The following TMEM164 variants were observed in gnomAD, a reference collection of about 807,000 sequenced individuals.
TMEM164 encodes RP13-360B22.2.
TMEM164 carries 4 observed loss-of-function variants against 18.8 expected under a neutral mutation model. The observed-to-expected ratio is 0.21, with a 90% CI of 0.10 to 0.49. The LOEUF (loss-of-function observed/expected upper bound fraction) is 0.49. TMEM164 is among the 20% of genes least tolerant of loss of function. TMEM164 has a pLI of 0.98. For synonymous variants in TMEM164, 86 were observed against 101.7 expected, an observed-to-expected ratio of 0.85 and a Z score of 0.93; for missense variants, 108 against 239.9, an observed-to-expected ratio of 0.45 and a Z score of 3.63.
chrX:110,150,398 C>T (rs2066923022), intron 5 of TMEM164, among the ~76,000 whole-genome samples: 1 of 112,065 alleles, frequency 8.9e-6, no homozygotes. Context: ...GGGGTTTGGC[C>T]TTGATTGCCA....
At chrX:110,163,198 A>G (rs1318522761) in intron 5 of TMEM164, among the ~76,000 whole-genome samples, 1 of 112,058 alleles carries the variant, frequency 8.9e-6, no homozygotes, top group East Asian at 2.8e-4. Flanking sequence ...AGTGAGTTTA[A>G]GAGAGAACAG....
intron 4 of TMEM164, among the ~76,000 whole-genome samples, chrX:110,119,155 G>A: frequency 9.0e-6 from 1 of 111,634 alleles, no homozygotes; most frequent in Non-Finnish European, 1.9e-5. Context: ...GTGAAATATA[G>A]AAAAGTATAA....
rs187279712 is a variant in TMEM164 at position 110,025,963 on chromosome X, T to A, written c.390+21799T>A. 2.4e-3 allele frequency among the ~76,000 whole-genome samples: 272 copies of A among 112,955 alleles called. 2 individuals are homozygous for A. Among genetic ancestry groups the A allele is most frequent in the Middle Eastern group, 9.3e-3 (2 of 215 alleles). On this transcript the variant is annotated intron_variant, in intron 2 of 6. Transcript: ENST00000372068. ...GCAAGTCACCCAATCACTGTCATTA[T>A]GTTTTTCATTTGTAAAATGGAGCTA...
chrX:110,128,201 C>T (rs1202535414), intron 4 of TMEM164, among the ~76,000 whole-genome samples: 1 of 111,828 alleles, frequency 8.9e-6, no homozygotes, highest in Non-Finnish European at 1.9e-5. Flanking sequence ...CCCCAGCCCC[C>T]GGGGACTCTG....
In TMEM164 at chrX:110,063,709, C is replaced by G. The variant is rs773049495; in HGVS notation, c.391-3638C>G. 1.4e-4 allele frequency among the ~76,000 whole-genome samples: 16 copies of G among 111,749 alleles called. No homozygotes were observed. In the South Asian group the frequency reaches 5.6e-3, roughly 39 times the overall value. On this transcript the variant is annotated intron_variant, in intron 2 of 6. Coordinates refer to ENST00000372068, the MANE Select transcript of TMEM164 (RefSeq NM_032227.4). ...TTTTATAAGGATTGCAAGTGCCCAC[C>G]AGACCTGGGGATGAGGCAGGTGGGA...
intron 4 of TMEM164, among the ~76,000 whole-genome samples, chrX:110,141,527 C>T (rs978397026): frequency 8.1e-5 from 9 of 111,373 alleles, no homozygotes; most frequent in Non-Finnish European, 1.1e-4. Context: ...AAAGGGGAAA[C>T]CCCTTATAAA....
intron 2 of TMEM164, among the ~76,000 whole-genome samples, chrX:110,024,773 A>T (rs1456287247): frequency 4.5e-5 from 5 of 112,093 alleles, no homozygotes; most frequent in African/African-American, 1.3e-4. Context: ...CTAGAAGAGA[A>T]GCAATTGAAA....
In TMEM164 at chrX:110,094,817, C is replaced by T. The variant is rs759648183; in HGVS notation, c.441-14263C>T. On this transcript the variant is annotated intron_variant, in intron 3 of 6. Transcript: ENST00000372068. ...GGTATGTTTTTGCAGTGGCTGGTAC[C>T]GGTTGTTTCTTTCCATGTTTAGTGT... Among the ~76,000 whole-genome samples, 106 of 111,826 alleles carry T rather than the reference C, an allele frequency of 9.5e-4. 1 individual carries two copies. Among genetic ancestry groups the T allele is most frequent in the Non-Finnish European group, 1.1e-3 (59 of 53,195 alleles).
intron 3 of TMEM164, among the ~76,000 whole-genome samples, chrX:110,096,516 C>T (rs768000293): frequency 1.8e-5 from 2 of 112,693 alleles, no homozygotes; most frequent in Admixed American, 1.9e-4. Context: ...CCTGGTGCGC[C>T]GTTTGCTAAG....
chrX:110,162,897 A>G (rs1230817528), intron 5 of TMEM164, among the ~76,000 whole-genome samples: 3 of 112,194 alleles, frequency 2.7e-5, no homozygotes, highest in Non-Finnish European at 5.6e-5. Flanking sequence ...TCATTGGTCT[A>G]TATTCCTATC....
intron 3 of TMEM164, among the ~76,000 whole-genome samples, chrX:110,102,843 C>G (rs889229927): frequency 8.0e-5 from 9 of 112,270 alleles, no homozygotes; most frequent in Admixed American, 3.8e-4. Flanking sequence ...AACCATTTTA[C>G]TACATTTCCT....
intron 4 of TMEM164, among the ~76,000 whole-genome samples, chrX:110,117,276 C>T (rs983702965): frequency 8.9e-6 from 1 of 112,239 alleles, no homozygotes; most frequent in African/African-American, 3.2e-5. Context: ...TGGTCTTCTT[C>T]TCTCCTAGTT....
At chrX:110,181,132 A>G (rs1216319340), downstream of TMEM164, among the ~76,000 whole-genome samples, 4 of 111,476 alleles carry the variant, frequency 3.6e-5, no homozygotes, top group Non-Finnish European at 7.5e-5. Context: ...CTCAGTCCCC[A>G]GGCCTCACCC....
At chrX:110,138,508 G>A (rs1438881341) in intron 4 of TMEM164, among the ~76,000 whole-genome samples, 3 of 111,479 alleles carry the variant, frequency 2.7e-5, no homozygotes, top group African/African-American at 9.8e-5. Flanking sequence ...CTATAGAAGA[G>A]GAACATGGAA....
chrX:110,022,688 T>G (rs1363502412), intron 2 of TMEM164, among the ~76,000 whole-genome samples: 1 of 112,105 alleles, frequency 8.9e-6, no homozygotes, highest in East Asian at 2.8e-4. Flanking sequence ...CTAGATCACA[T>G]AACATGTATT....
At chrX:110,112,362 C>G (rs1043047308) in intron 4 of TMEM164, among the ~76,000 whole-genome samples, 6 of 111,014 alleles carry the variant, frequency 5.4e-5, no homozygotes, top group Admixed American at 3.8e-4. Context: ...TAGAAATTAA[C>G]TGGGCATGGT....
At chrX:110,084,481 G>GTATATATATAT (rs1263986271) in intron 3 of TMEM164, among the ~76,000 whole-genome samples, 1 of 46,662 alleles carries the variant, frequency 2.1e-5, no homozygotes, top group African/African-American at 1.1e-4. Context: ...TATATATAGA[G>GTATATATATAT]AGAGAGAGAG....
At chrX:110,051,381 A>G (rs1025057651) in intron 2 of TMEM164, among the ~76,000 whole-genome samples, 16 of 110,648 alleles carry the variant, frequency 1.4e-4, no homozygotes, top group Non-Finnish European at 2.6e-4. Context: ...TGCATTCAGT[A>G]TTTAGAACTG....
intron 2 of TMEM164, among the ~76,000 whole-genome samples, chrX:110,025,650 C>T (rs1293782159): frequency 8.9e-6 from 1 of 112,163 alleles, no homozygotes; most frequent in Non-Finnish European, 1.9e-5. Flanking sequence ...AGTCATGCCA[C>T]GAAATGGGTA....
Sources: allele counts gnomAD v4.1 joint callset (sites outside exome capture counted in the v4.1 genomes callset), GRCh38; gene constraint gnomAD v4.1.1; transcripts MANE v1.5; gene names NCBI Gene and HGNC (gene_info 2026-07-23, HGNC 2026-07-21).